IGF2BP2: variants seen among roughly 807,000 people sequenced by gnomAD.
IGF2BP2 encodes the protein insulin like growth factor 2 mRNA binding protein 2.
IGF2BP2 carries 17 observed loss-of-function variants against 75.8 expected under a neutral mutation model. The observed-to-expected ratio is 0.22, with a 90% CI of 0.15 to 0.34. The LOEUF (loss-of-function observed/expected upper bound fraction) is 0.34. IGF2BP2 is among the 10% of genes least tolerant of loss of function. The pLI, the probability that IGF2BP2 is intolerant of heterozygous loss-of-function variation, is 1.00. For synonymous variants in IGF2BP2, 288 were observed against 295.6 expected (o/e 0.97, Z 0.26); for missense variants, 516 against 772.4 (o/e 0.67, Z 3.93).
intron 12 of IGF2BP2, among the ~76,000 whole-genome samples, chr3:185,656,794 T>G: frequency 6.6e-6 from 1 of 152,250 alleles, no homozygotes; most frequent in Non-Finnish European, 1.5e-5. Flanking sequence ...CCGTCCTTCC[T>G]GAGTTGCTAT....
intron 2 of IGF2BP2, among the ~76,000 whole-genome samples, chr3:185,777,363 G>C (rs1036708228): frequency 1.3e-5 from 2 of 152,074 alleles, no homozygotes; most frequent in African/African-American, 4.8e-5. Context: ...AATTAGCTAA[G>C]CATGGTGGCT....
At position 185,647,567 on chromosome 3, in the gene IGF2BP2, T is replaced by C. The variant is rs757456043; in HGVS notation, c.1594-429A>G. Among the ~76,000 whole-genome samples, 8 of 151,724 alleles carry C rather than the reference T, an allele frequency of 5.3e-5. No homozygotes were observed. Among genetic ancestry groups the C allele is most frequent in the Non-Finnish European group, 1.0e-4 (7 of 67,952 alleles). On this transcript the variant is annotated intron_variant, in intron 14 of 15. Coordinates refer to ENST00000382199, the MANE Select transcript of IGF2BP2 (RefSeq NM_006548.6). This position sits in a 1 kb window ranked among gnomAD's most constrained non-coding sequence, Gnocchi z 4.9. ...AAACCTCCTCTTGGTTAACTTTCCCTGCGAATCAGCCCTGCTGTTCCCTCC... is the reference window on the plus strand; with the variant it reads ...AAACCTCCTCTTGGTTAACTTTCCCCGCGAATCAGCCCTGCTGTTCCCTCC...
At chr3:185,807,330 A>G (rs1412941097) in intron 2 of IGF2BP2, among the ~76,000 whole-genome samples, 2 of 152,204 alleles carry the variant, frequency 1.3e-5, no homozygotes, top group Non-Finnish European at 2.9e-5. Context: ...ACTGAGAACA[A>G]TTTAGGCCTT....
At chr3:185,686,393 A>G (rs1721140226) in intron 7 of IGF2BP2, among the ~76,000 whole-genome samples, 1 of 152,104 alleles carries the variant, frequency 6.6e-6, no homozygotes. Flanking sequence ...TTAAAAAAAA[A>G]AAAAGGAGAG....
At chr3:185,659,334 G>A (rs567096048) in intron 10 of IGF2BP2, among the ~76,000 whole-genome samples, 93 of 152,218 alleles carry the variant, frequency 6.1e-4, no homozygotes, top group African/African-American at 2.2e-3. Flanking sequence ...AAAAAGTAGA[G>A]CTATTAAGAA....
intron 10 of IGF2BP2, among the ~76,000 whole-genome samples, chr3:185,665,500 G>A (rs889098512): frequency 0.18 from 6,500 of 37,010 alleles, 1,190 homozygotes; most frequent in Middle Eastern, 0.26. Flanking sequence ...GAAGGAGGAG[G>A]AGAAGGAGGA....
At chr3:185,675,966 C>A (rs1323774661) in intron 7 of IGF2BP2, 53 bp from the exon 8 acceptor site, 34 of 1,579,552 alleles carry the variant, frequency 2.2e-5, no homozygotes, top group Non-Finnish European at 2.7e-5. Context: ...ACGGTTGTCT[C>A]CCAAAAACCA....
intron 2 of IGF2BP2, among the ~76,000 whole-genome samples, chr3:185,772,999 G>A (rs1734086566): frequency 6.6e-6 from 1 of 152,154 alleles, no homozygotes; most frequent in Admixed American, 6.5e-5. Flanking sequence ...GGATTTAAAT[G>A]GTGTCTGCAA....
intron 2 of IGF2BP2, among the ~76,000 whole-genome samples, chr3:185,815,244 C>A (rs924994144): frequency 6.6e-6 from 1 of 152,118 alleles, no homozygotes; most frequent in South Asian, 2.1e-4. Context: ...ACTTTTAATT[C>A]TTTTCAATTA....
At chr3:185,679,694 G>A (rs1720088597) in intron 7 of IGF2BP2, among the ~76,000 whole-genome samples, 1 of 152,050 alleles carries the variant, frequency 6.6e-6, no homozygotes, top group South Asian at 2.1e-4. Context: ...TCAGCTCACT[G>A]TAACCTCCAC....
intron 2 of IGF2BP2, among the ~76,000 whole-genome samples, chr3:185,715,118 G>A (rs1167099360): frequency 6.6e-6 from 1 of 152,202 alleles, no homozygotes; most frequent in Non-Finnish European, 1.5e-5. Context: ...CAACACCTTA[G>A]CAACGCTCTG....
At chr3:185,720,864 C>G (rs944820066) in intron 2 of IGF2BP2, among the ~76,000 whole-genome samples, 1 of 152,242 alleles carries the variant, frequency 6.6e-6, no homozygotes, top group Non-Finnish European at 1.5e-5. Flanking sequence ...TGAAACCAGA[C>G]AGTAACTGCT....
chr3:185,651,388 G>A (rs532786572), intron 13 of IGF2BP2, among the ~76,000 whole-genome samples: 31 of 151,690 alleles, frequency 2.0e-4, no homozygotes, highest in African/African-American at 6.0e-4. Context: ...TTTCCTTTTC[G>A]TTAGAGATGA....
intron 2 of IGF2BP2, among the ~76,000 whole-genome samples, chr3:185,783,821 T>C (rs563628974): frequency 4.6e-5 from 7 of 152,314 alleles, no homozygotes; most frequent in Non-Finnish European, 7.4e-5. Flanking sequence ...TTTTAAAATA[T>C]TTTTTGATAT....
chr3:185,666,813 T>C (rs2149176919), intron 10 of IGF2BP2, among the ~76,000 whole-genome samples: 1 of 152,172 alleles, frequency 6.6e-6, no homozygotes, highest in South Asian at 2.1e-4. Context: ...CAAAATGAAG[T>C]TAAAAACTTA....
chr3:185,731,879 G>A (rs908686814), intron 2 of IGF2BP2, among the ~76,000 whole-genome samples: 11 of 152,186 alleles, frequency 7.2e-5, no homozygotes, highest in Admixed American at 2.0e-4. Context: ...CTACTCAGGA[G>A]GCTGAGGCAG....
At chr3:185,750,853 A>G (rs1578188574) in intron 2 of IGF2BP2, among the ~76,000 whole-genome samples, 2 of 152,252 alleles carry the variant, frequency 1.3e-5, no homozygotes, top group African/African-American at 4.8e-5. Context: ...AAAGATAAGC[A>G]AACCGTCACA....
chr3:185,798,774 GTTTTTCT>G (rs1051345161), intron 2 of IGF2BP2, among the ~76,000 whole-genome samples: 3 of 148,106 alleles, frequency 2.0e-5, no homozygotes, highest in East Asian at 2.0e-4. Context: ...ATATAACTAA[GTTTTTCT>G]TTTTTCTTTT....
chr3:185,812,104 C>T (rs1418506307), intron 2 of IGF2BP2, among the ~76,000 whole-genome samples: 1 of 152,076 alleles, frequency 6.6e-6, no homozygotes, highest in Non-Finnish European at 1.5e-5. Context: ...TGGCTTGTGA[C>T]CTAGCACATT....
Sources: allele counts gnomAD v4.1 joint callset (sites outside exome capture counted in the v4.1 genomes callset), GRCh38; gene constraint gnomAD v4.1.1; non-coding constraint Gnocchi (gnomAD v3.1); transcripts MANE v1.5; gene names NCBI Gene and HGNC (gene_info 2026-07-23, HGNC 2026-07-21).